Variants in PDE4B observed in about 807,000 individuals in gnomAD.
PDE4B encodes the protein phosphodiesterase 4B.
Under a neutral mutation model 82.2 loss-of-function variants are expected in PDE4B, and 20 were observed. The observed-to-expected ratio is 0.24, with a 90% CI of 0.17 to 0.35. The LOEUF is 0.35. PDE4B is among the 10% of genes least tolerant of loss of function. The probability of loss-of-function intolerance (pLI) is 1.00; values close to 1 mark genes in which losing one functional copy is unlikely to be tolerated. For synonymous variants in PDE4B, 320 were observed against 318.9 expected (o/e 1.00, Z -0.04); for missense variants, 655 against 907.2 (o/e 0.72, Z 3.57).
intron 3 of PDE4B, among the ~76,000 whole-genome samples, chr1:66,041,915 A>G (rs961154209): frequency 1.3e-5 from 2 of 151,806 alleles, no homozygotes; most frequent in African/African-American, 4.8e-5. Context: ...CAAAGAATAA[A>G]TGAATATATG....
intron 3 of PDE4B, among the ~76,000 whole-genome samples, chr1:66,180,883 T>G (rs987207935): frequency 6.6e-6 from 1 of 152,212 alleles, no homozygotes; most frequent in Admixed American, 6.5e-5. Context: ...TGCCTGGCAC[T>G]GAAACACAAT....
intron 3 of PDE4B, among the ~76,000 whole-genome samples, chr1:66,206,770 A>T (rs980719319): frequency 2.6e-5 from 4 of 152,162 alleles, no homozygotes; most frequent in Non-Finnish European, 5.9e-5. Context: ...CAGAGTATGG[A>T]CCTGACATCA....
chr1:66,279,548 T>C (rs1429179537), intron 7 of PDE4B, among the ~76,000 whole-genome samples: 1 of 151,780 alleles, frequency 6.6e-6, no homozygotes, highest in Non-Finnish European at 1.5e-5. Flanking sequence ...TCGCTTGAAC[T>C]CGGGAAGTGG....
At chr1:66,038,239 G>A (rs1483593801) in intron 3 of PDE4B, among the ~76,000 whole-genome samples, 1 of 151,992 alleles carries the variant, frequency 6.6e-6, no homozygotes, top group African/African-American at 2.4e-5. Flanking sequence ...CTAGGTTTTG[G>A]GATTTCAGTG....
rs562991602 is a variant in PDE4B at position 66,358,800 on chromosome 1, A to G, written c.842-2815A>G. The stretch of plus-strand genomic sequence containing the variant: ...GCAATTTACCTTAAACTTGAAGAGC[A>G]ATATTTCAATAAAAGCCATTAAATG... On this transcript the variant is annotated intron_variant, in intron 9 of 16. Transcript: ENST00000341517. Among the ~76,000 whole-genome samples, 11 of 152,334 alleles carry G rather than the reference A, an allele frequency of 7.2e-5. No individual in the cohort carries two copies. The East Asian group carries it at 2.1e-3, about 29-fold the overall frequency.
At chr1:65,990,737 A>G (rs901561666) in intron 3 of PDE4B, among the ~76,000 whole-genome samples, 4 of 152,196 alleles carry the variant, frequency 2.6e-5, no homozygotes, top group Middle Eastern at 3.2e-3. Context: ...TAGCTCTAAC[A>G]TCAGCAGCTA....
chr1:65,951,948 A>G (rs907290347), intron 3 of PDE4B, among the ~76,000 whole-genome samples: 18 of 152,096 alleles, frequency 1.2e-4, no homozygotes, highest in Non-Finnish European at 2.2e-4. Context: ...CCTTTAGGGA[A>G]AACGATGGCT....
Position 66,367,958 on chromosome 1 carries a change from A to G in PDE4B, c.1555A>G (p.Met519Val), listed in dbSNP as rs763194295. Residue 519 changes from methionine to valine, a missense_variant, in exon 15 of 17, where the codon ATG (methionine) becomes GTG (valine). By Grantham distance (21) the Met-to-Val change is conservative (BLOSUM62 1). Coordinates refer to ENST00000341517, the MANE Select transcript of PDE4B (RefSeq NM_002600.4). The stretch of plus-strand genomic sequence containing the variant: ...TTTACCCAAGGTGTTAGCAACTGAT[A>G]TGTCTAAACATATGAGCCTGCTGGC... ...MVIDMVLATD[M>V]SKHMSLLADL... 1.2e-6 allele frequency: 2 copies of G among 1,613,616 alleles called. No homozygotes were observed. Among genetic ancestry groups the G allele is most frequent in the African/African-American group, 2.7e-5 (2 of 74,892 alleles).
intron 13 of PDE4B, 77 bp from the exon 14 acceptor site, chr1:66,367,619 G>A: frequency 8.1e-7 from 1 of 1,233,728 alleles, no homozygotes; most frequent in Non-Finnish European, 1.1e-6. Context: ...AACTAGGTCT[G>A]ATTTCACTTT....
intron 3 of PDE4B, among the ~76,000 whole-genome samples, chr1:66,165,381 A>T (rs1646708240): frequency 2.0e-5 from 3 of 152,176 alleles, no homozygotes; most frequent in African/African-American, 7.2e-5. Flanking sequence ...GATTTCTCTC[A>T]GGAAACTCAA....
In PDE4B at chr1:66,334,865, G is replaced by A. The variant is rs187125355; in HGVS notation, c.747+2245G>A. Among the ~76,000 whole-genome samples, 27 of 152,274 alleles carry A rather than the reference G, an allele frequency of 1.8e-4. No homozygotes were observed. The East Asian group carries it at 5.0e-3, about 28-fold the overall frequency. ...CTCACGCCTGTAATCCCAGCACTTT[G>A]GGAGGTCGAGGCAGCACTTTGGGAT... On this transcript the variant is annotated intron_variant, in intron 8 of 16. Coordinates refer to ENST00000341517, the MANE Select transcript of PDE4B (RefSeq NM_002600.4).
intron 3 of PDE4B, among the ~76,000 whole-genome samples, chr1:66,017,734 G>T (rs1037062497): frequency 4.6e-5 from 7 of 152,214 alleles, no homozygotes; most frequent in East Asian, 3.9e-4. Context: ...CTTGAGATTA[G>T]AAACTCAGCT....
chr1:66,028,373 A>G (rs1181684001), intron 3 of PDE4B, among the ~76,000 whole-genome samples: 1 of 152,174 alleles, frequency 6.6e-6, no homozygotes, highest in Admixed American at 6.5e-5. Context: ...CCTAGTCCAC[A>G]AAACCACCTT....
intron 1 of PDE4B, among the ~76,000 whole-genome samples, chr1:65,817,631 G>A (rs1026877287): frequency 6.6e-6 from 1 of 152,146 alleles, no homozygotes; most frequent in Non-Finnish European, 1.5e-5. Flanking sequence ...ATAGGATTGT[G>A]TATGTATTTT....
chr1:65,815,684 A>G (rs1023389158), intron 1 of PDE4B, among the ~76,000 whole-genome samples: 1 of 152,206 alleles, frequency 6.6e-6, no homozygotes, highest in Non-Finnish European at 1.5e-5. Flanking sequence ...ATTTGTCCTG[A>G]AGCTAAAAAA....
chr1:66,098,547 G>T (rs1645160226), intron 3 of PDE4B, among the ~76,000 whole-genome samples: 1 of 152,074 alleles, frequency 6.6e-6, no homozygotes, highest in African/African-American at 2.4e-5. Context: ...GGTTACATAT[G>T]CAGCCTGAGT....
intron 1 of PDE4B, among the ~76,000 whole-genome samples, chr1:65,840,219 A>T (rs1646191882): frequency 6.6e-6 from 1 of 152,086 alleles, no homozygotes; most frequent in African/African-American, 2.4e-5. Context: ...GAGAAGTATG[A>T]AAAAGTTGTA....
intron 3 of PDE4B, among the ~76,000 whole-genome samples, chr1:66,222,825 A>G (rs931409912): frequency 1.3e-5 from 2 of 152,226 alleles, no homozygotes; most frequent in Admixed American, 1.3e-4. Context: ...CCCTCTCTCC[A>G]TCACAAAGAT....
At chr1:65,794,993 C>G (rs1570940604) in intron 1 of PDE4B, among the ~76,000 whole-genome samples, 1 of 152,102 alleles carries the variant, frequency 6.6e-6, no homozygotes, top group African/African-American at 2.4e-5. Context: ...GTTAGACATA[C>G]TGTTTGCTTT....
Sources: gnomAD v4.1 joint callset for allele counts (sites outside exome capture counted in the v4.1 genomes callset) on GRCh38, gnomAD v4.1.1 for gene constraint, MANE v1.5 for transcripts, NCBI Gene and HGNC (gene_info 2026-07-23, HGNC 2026-07-21) for gene names.